Variants in KIF16B observed in about 807,000 individuals in gnomAD.
The protein encoded by KIF16B is kinesin family member 16B.
In KIF16B, 98 loss-of-function variants were observed where a neutral mutation model predicts 156.3. The observed-to-expected ratio is 0.63, with a 90% confidence interval of 0.53 to 0.74. KIF16B has a LOEUF of 0.74. Among genes scored for constraint, KIF16B ranks in the 30% least tolerant of loss-of-function variants. The pLI, the probability that KIF16B is intolerant of heterozygous loss-of-function variation, is 0.00. For missense variants in KIF16B, 1,421 were observed against 1,606.5 expected, an observed-to-expected ratio of 0.88 and a Z score of 1.97; for synonymous variants, 564 against 583.7, an observed-to-expected ratio of 0.97 and a Z score of 0.49.
rs550614292 is a variant in KIF16B at position 16,379,325 on chromosome 20, C to T, written c.2677G>A (p.Glu893Lys). 86 of 1,606,510 alleles carry T rather than the reference C, an allele frequency of 5.4e-5. 3 individuals are homozygous for T. The South Asian group carries it at 8.2e-4, about 15-fold the overall frequency. The change falls in exon 19 of 26, where the codon GAG (glutamate) becomes AAG (lysine). Residue 893 changes from glutamate to lysine, a missense_variant. Transcript: ENST00000354981. ...CTGTACTCCACTGGCTTTATTTTCT[C>T]GAAATCTTGAGGCACTTCCGTGACA... Reference protein sequence around the residue: ...TDVTEVPQDFEKIKPVEYRLQ... With the variant: ...TDVTEVPQDFKKIKPVEYRLQ...
chr20:16,512,949 G>T (rs774980497), intron 4 of KIF16B, 26 bp from the exon 5 acceptor site: 4 of 1,502,856 alleles, frequency 2.7e-6, no homozygotes, highest in Non-Finnish European at 3.7e-6. Flanking sequence ...CAATGTCACA[G>T]CTGTCACTCA....
intron 25 of KIF16B, among the ~76,000 whole-genome samples, chr20:16,297,512 C>T (rs886424197): frequency 1.3e-5 from 2 of 151,948 alleles, no homozygotes; most frequent in Non-Finnish European, 2.9e-5. Context: ...CTGGCTAACA[C>T]GGTGAAACCC....
intron 20 of KIF16B, among the ~76,000 whole-genome samples, chr20:16,374,015 G>C (rs1227036368): frequency 6.6e-6 from 1 of 152,206 alleles, no homozygotes; most frequent in Non-Finnish European, 1.5e-5. Context: ...AGGGACAACT[G>C]TACCTGCAAC....
chr20:16,349,284 C>A (rs2064290714), intron 23 of KIF16B, among the ~76,000 whole-genome samples: 1 of 152,222 alleles, frequency 6.6e-6, no homozygotes, highest in African/African-American at 2.4e-5. Flanking sequence ...CAGGGTGCCA[C>A]CTACCCCTCC....
chr20:16,376,862 T>A (rs1224339003), intron 19 of KIF16B, among the ~76,000 whole-genome samples: 1 of 152,234 alleles, frequency 6.6e-6, no homozygotes, highest in Non-Finnish European at 1.5e-5. Context: ...TGGATCTTTG[T>A]CTAGCAATTT....
In KIF16B at chr20:16,504,392, G is replaced by A; in HGVS notation, c.1156C>T (p.Leu386=). ...CCAACCTGATTCCCTTGAGCAAGCA[G>A]CGTTTTCAGTCTGGCTATTTCAGCT... ...LRAEIARLKT[L]LAQGNQIALL... Residue 386 remains leucine (L), a synonymous_variant, in exon 10 of 26, where the codon CTG becomes TTG. Coordinates refer to ENST00000354981, the MANE Select transcript of KIF16B (RefSeq NM_024704.5). 2 of 1,614,074 alleles carry A rather than the reference G, an allele frequency of 1.2e-6. No individual in the cohort carries two copies. Among genetic ancestry groups the A allele is most frequent in the Non-Finnish European group, 1.7e-6 (2 of 1,179,972 alleles).
intron 1 of KIF16B, among the ~76,000 whole-genome samples, chr20:16,558,755 T>G (rs1407314077): frequency 6.6e-6 from 1 of 151,998 alleles, no homozygotes; most frequent in Non-Finnish European, 1.5e-5. Context: ...AATACAAAAT[T>G]TAGCTGGGTG....
chr20:16,453,439 A>T (rs1204665337), intron 12 of KIF16B, among the ~76,000 whole-genome samples: 1 of 152,180 alleles, frequency 6.6e-6, no homozygotes, highest in African/African-American at 2.4e-5. Context: ...TAATAAATAT[A>T]CATACACATA....
intron 1 of KIF16B, among the ~76,000 whole-genome samples, chr20:16,536,709 G>A (rs1461324680): frequency 6.6e-6 from 1 of 152,146 alleles, no homozygotes; most frequent in African/African-American, 2.4e-5. Flanking sequence ...TTCCTTTGCA[G>A]ATTCCTGGAG....
chr20:16,371,211 G>C (rs1256124707), intron 21 of KIF16B, among the ~76,000 whole-genome samples: 2 of 151,986 alleles, frequency 1.3e-5, no homozygotes, highest in African/African-American at 4.8e-5. Context: ...TTTTTTTCTA[G>C]AACATTCCAC....
chr20:16,478,697 T>A (rs2146818876), intron 12 of KIF16B, among the ~76,000 whole-genome samples: 1 of 152,346 alleles, frequency 6.6e-6, no homozygotes, highest in Admixed American at 6.5e-5. Context: ...CTTATTTTAA[T>A]TGTTCATGGC....
chr20:16,277,275 T>C (rs2063076709), intron 25 of KIF16B, among the ~76,000 whole-genome samples: 1 of 152,242 alleles, frequency 6.6e-6, no homozygotes, highest in African/African-American at 2.4e-5. Flanking sequence ...GGGATAAGCG[T>C]TGGTCACCGC....
intron 23 of KIF16B, among the ~76,000 whole-genome samples, chr20:16,341,297 C>T (rs1011302888): frequency 6.6e-6 from 1 of 152,122 alleles, no homozygotes; most frequent in Admixed American, 6.5e-5. Context: ...AGTTGGTTTG[C>T]TTAAAGTTGC....
At chr20:16,554,253 A>G (rs1568681042) in intron 1 of KIF16B, among the ~76,000 whole-genome samples, 1 of 151,928 alleles carries the variant, frequency 6.6e-6, no homozygotes, top group Non-Finnish European at 1.5e-5. Flanking sequence ...ATCTGCACAT[A>G]TTTCCTCCCC....
intron 12 of KIF16B, among the ~76,000 whole-genome samples, chr20:16,462,350 C>T (rs1004977806): frequency 2.6e-5 from 4 of 152,162 alleles, no homozygotes; most frequent in Non-Finnish European, 5.9e-5. Flanking sequence ...ACTCCTTTTT[C>T]ACCATTCTTC....
chr20:16,364,350 A>G (rs2064613277), intron 22 of KIF16B, among the ~76,000 whole-genome samples: 1 of 152,256 alleles, frequency 6.6e-6, no homozygotes, highest in African/African-American at 2.4e-5. Flanking sequence ...AAGTCCCACA[A>G]TATAAATGTT....
At chr20:16,458,340 T>A (rs576269929) in intron 12 of KIF16B, among the ~76,000 whole-genome samples, 1 of 152,234 alleles carries the variant, frequency 6.6e-6, no homozygotes, top group East Asian at 1.9e-4. Flanking sequence ...TCCTCTTGAT[T>A]ACTTGCCTTT....
chr20:16,539,867 A>T (rs532963568), intron 1 of KIF16B, among the ~76,000 whole-genome samples: 37 of 152,350 alleles, frequency 2.4e-4, no homozygotes, highest in African/African-American at 8.4e-4. Context: ...CATAATAAAC[A>T]GCTAGACTGG....
intron 25 of KIF16B, among the ~76,000 whole-genome samples, chr20:16,290,459 G>A (rs762173039): frequency 5.3e-5 from 8 of 152,218 alleles, no homozygotes; most frequent in Non-Finnish European, 1.2e-4. Context: ...AGCTGGCCTT[G>A]GCGGGCTGTC....
Sources: allele counts gnomAD v4.1 joint callset (sites outside exome capture counted in the v4.1 genomes callset), GRCh38; gene constraint gnomAD v4.1.1; transcripts MANE v1.5; gene names NCBI Gene and HGNC (gene_info 2026-07-23, HGNC 2026-07-21).